Variants in CARMIL1 observed in about 807,000 individuals in gnomAD.
CARMIL1 encodes the protein capping protein regulator and myosin 1 linker 1.
CARMIL1 carries 90 observed loss-of-function variants against 177.1 expected under a neutral mutation model. The observed-to-expected ratio is 0.51, with a 90% CI of 0.43 to 0.61. The LOEUF (loss-of-function observed/expected upper bound fraction) is 0.61, where lower values mean the gene tolerates loss of function less well. Among genes scored for constraint, CARMIL1 ranks in the 20% least tolerant of loss-of-function variants. CARMIL1 has a pLI of 0.00. For missense variants in CARMIL1, 1,380 were observed against 1,667.0 expected (o/e 0.83, Z 3.00); for synonymous variants, 577 against 606.2 (o/e 0.95, Z 0.71).
In CARMIL1 at chr6:25,581,388, T is replaced by C; in HGVS notation, c.2955T>C (p.Phe985=). ...PSEEGKKLEH[F]TKLRPKRNKK... ...AAGAGGGGAAGAAGCTGGAACACTT[T>C]ACCAAGTTAAGGCCAAAAAGGAATA... The change falls in exon 31 of 37, where the codon TTT becomes TTC. Residue 985 remains phenylalanine (F), a synonymous_variant. Coordinates refer to ENST00000329474, the MANE Select transcript of CARMIL1 (RefSeq NM_017640.6). The C allele has an allele frequency of 6.2e-7, 1 of 1,613,550 alleles. No individual in the cohort carries two copies. The highest frequency in any genetic ancestry group is 8.5e-7 in the Non-Finnish European group (1 of 1,179,742).
At chr6:25,434,716 A>AT (rs1194892243) in intron 4 of CARMIL1, among the ~76,000 whole-genome samples, 33 of 147,380 alleles carry the variant, frequency 2.2e-4, no homozygotes, top group Admixed American at 2.0e-3. Context: ...GTATTTTTGT[A>AT]TTTTTTTTTC....
chr6:25,371,927 A>G (rs112664223), intron 2 of CARMIL1, among the ~76,000 whole-genome samples: 4 of 152,234 alleles, frequency 2.6e-5, no homozygotes, highest in Admixed American at 1.3e-4. Context: ...TGATTTTTGT[A>G]TATGGTGAGA....
Position 25,581,259 on chromosome 6 carries a change from A to C in CARMIL1, c.2826A>C (p.Leu942=), listed in dbSNP as rs1314473856. ...VSRAFEMEFD[L]DKALEEVPIH... is the part of the protein sequence containing the mutation. ...TAATTTTAGAAATGGAGTTTGATCT[A>C]GATAAAGCGCTGGAAGAGGTACCAA... Residue 942 remains leucine, a synonymous_variant, in exon 31 of 37, where the codon CTA becomes CTC. Coordinates refer to ENST00000329474, the MANE Select transcript of CARMIL1 (RefSeq NM_017640.6). The C allele has an allele frequency of 3.1e-6, 5 of 1,613,566 alleles. 1 individual carries two copies. In the South Asian group the frequency reaches 4.4e-5, roughly 14 times the overall value.
At chr6:25,609,612 A>T (rs1247658458) in intron 35 of CARMIL1, among the ~76,000 whole-genome samples, 1 of 152,114 alleles carries the variant, frequency 6.6e-6, no homozygotes, top group Non-Finnish European at 1.5e-5. Context: ...ACCTACATAT[A>T]TGCATGCATG....
intron 29 of CARMIL1, among the ~76,000 whole-genome samples, chr6:25,560,429 A>G (rs1422247080): frequency 6.6e-6 from 1 of 151,914 alleles, no homozygotes; most frequent in African/African-American, 2.4e-5. Context: ...CCTTAACTGC[A>G]GGGCGGAAAA....
chr6:25,426,920 T>C, intron 4 of CARMIL1, among the ~76,000 whole-genome samples: 1 of 152,154 alleles, frequency 6.6e-6, no homozygotes. Flanking sequence ...ATTTTTTGGA[T>C]TTATTAAAAT....
chr6:25,303,827 G>T (rs1179271650), intron 2 of CARMIL1, among the ~76,000 whole-genome samples: 1 of 152,228 alleles, frequency 6.6e-6, no homozygotes, highest in East Asian at 1.9e-4. Flanking sequence ...CTATCTGTTT[G>T]TAAAGGACAC....
intron 2 of CARMIL1, among the ~76,000 whole-genome samples, chr6:25,370,782 A>G (rs1033791526): frequency 6.6e-6 from 1 of 152,236 alleles, no homozygotes. Context: ...TAAAATTTCA[A>G]TAGCTTTTGA....
chr6:25,495,332 C>A, intron 16 of CARMIL1, 117 bp downstream of exon 16: 2 of 592,852 alleles, frequency 3.4e-6, no homozygotes, highest in Non-Finnish European at 5.7e-6. Context: ...GATGAGAATG[C>A]CTTTTTACTC....
rs1033076106 is a variant in CARMIL1 at position 25,326,890 on chromosome 6, C to G, written c.138+41981C>G. On this transcript the variant is annotated intron_variant, in intron 2 of 36. Transcript: ENST00000329474. This position sits in a 1 kb window ranked among gnomAD's most constrained non-coding sequence, Gnocchi z 4.2. ...CTGGAGTGCAGTGGCATGATCTTGG[C>G]TCACTGCAACCTGATAAGGACCTTG... 1.3e-5 allele frequency among the ~76,000 whole-genome samples: 2 copies of G among 152,088 alleles called. No homozygotes were observed. The highest frequency in any genetic ancestry group is 4.8e-5 in the African/African-American group (2 of 41,392).
intron 9 of CARMIL1, among the ~76,000 whole-genome samples, chr6:25,469,105 T>A (rs1224074367): frequency 6.6e-6 from 1 of 152,228 alleles, no homozygotes; most frequent in Non-Finnish European, 1.5e-5. Flanking sequence ...ATGTAAATTG[T>A]AGGCATCAGG....
chr6:25,332,620 T>A (rs929574476), intron 2 of CARMIL1, among the ~76,000 whole-genome samples: 1 of 152,040 alleles, frequency 6.6e-6, no homozygotes, highest in African/African-American at 2.4e-5. Context: ...CTGAAAACAT[T>A]TGGGAAATGT....
At chr6:25,380,007 T>G (rs1250786052) in intron 2 of CARMIL1, among the ~76,000 whole-genome samples, 2 of 152,112 alleles carry the variant, frequency 1.3e-5, no homozygotes, top group African/African-American at 4.8e-5. Context: ...ATTCTGCTCT[T>G]TAAGGACTCT....
chr6:25,545,344 AG>A (rs1471310484), intron 26 of CARMIL1, among the ~76,000 whole-genome samples: 6 of 152,198 alleles, frequency 3.9e-5, no homozygotes, highest in African/African-American at 1.4e-4. Flanking sequence ...AGAGAGAAAC[AG>A]GTCCGTGAAT....
In CARMIL1 at chr6:25,426,601, C is replaced by G. The variant is rs375393827; in HGVS notation, c.249+41C>G. 5.1e-5 allele frequency: 78 copies of G among 1,540,304 alleles called. No homozygotes were observed. The African/African-American group carries it at 1.0e-3, about 20-fold the overall frequency. ...GGATCACTGCAAGATCATGATCTTT[C>G]TTGAATTCTTGAAACCCTAAAATGT... On this transcript the variant is annotated intron_variant, in intron 4 of 36. Transcript: ENST00000329474.
rs1463299105 is a variant in CARMIL1, at chr6:25,600,390, A to G, written c.3196A>G (p.Lys1066Glu). 1 of 1,614,014 alleles carries G rather than the reference A, an allele frequency of 6.2e-7. No individual in the cohort carries two copies. ...GDEKKKRDSR[K>E]SSGFLNLIKS... is the part of the protein sequence containing the mutation. ...TGAAAAGAAAAAGCGAGATTCTCGGAAAAGTAGTGGCTTTCTCAATTTAAT... is the reference window on the plus strand; with the variant it reads ...TGAAAAGAAAAAGCGAGATTCTCGGGAAAGTAGTGGCTTTCTCAATTTAAT... Residue 1066 changes from lysine to glutamate, a missense_variant, in exon 33 of 37, where the codon AAA becomes GAA. Transcript: ENST00000329474.
At chr6:25,444,225 T>C (rs961658046) in intron 5 of CARMIL1, among the ~76,000 whole-genome samples, 8 of 152,166 alleles carry the variant, frequency 5.3e-5, no homozygotes, top group Non-Finnish European at 2.9e-5. Context: ...GTAGAACTTG[T>C]TTTAAAATTG....
chr6:25,435,447 A>G (rs1352800276), intron 4 of CARMIL1, 36 bp from the exon 5 acceptor site: 3 of 1,545,322 alleles, frequency 1.9e-6, no homozygotes, highest in Non-Finnish European at 2.6e-6. Flanking sequence ...AAGGAATTGG[A>G]CTCATTCTTA....
intron 3 of CARMIL1, among the ~76,000 whole-genome samples, chr6:25,423,295 C>G (rs970040103): frequency 2.0e-5 from 3 of 152,088 alleles, no homozygotes; most frequent in Non-Finnish European, 2.9e-5. Flanking sequence ...TAATTAACTA[C>G]GAAGCAAACA....
Sources: allele counts gnomAD v4.1 joint callset (sites outside exome capture counted in the v4.1 genomes callset), GRCh38; gene constraint gnomAD v4.1.1; non-coding constraint Gnocchi (gnomAD v3.1); transcripts MANE v1.5; gene names NCBI Gene and HGNC (gene_info 2026-07-23, HGNC 2026-07-21).